Variants in EBF1 observed in about 807,000 individuals in gnomAD.
The protein encoded by EBF1 is EBF transcription factor 1.
In EBF1, 10 loss-of-function variants were observed where a neutral mutation model predicts 68.4. The observed-to-expected ratio is 0.15, with a 90% CI of 0.09 to 0.25. The LOEUF is 0.25. Ranked by LOEUF, EBF1 falls within the 10% of genes least tolerant of loss-of-function variation. EBF1 has a pLI of 1.00. For synonymous variants in EBF1, 298 were observed against 299.8 expected, an observed-to-expected ratio of 0.99 and a Z score of 0.06; for missense variants, 509 against 794.4, an observed-to-expected ratio of 0.64 and a Z score of 4.32.
rs566251384 is a variant in EBF1 at position 158,737,556 on chromosome 5, T to C, written c.1037-6399A>G. On this transcript the variant is annotated intron_variant, in intron 10 of 15. Transcript: ENST00000313708. Reference sequence around the variant, plus strand: ...GCTTCGGCCTCCCAAAGTGCTGGGATTACAACCGTGAGCCACCGCGTCCGA... The same window carrying C: ...GCTTCGGCCTCCCAAAGTGCTGGGACTACAACCGTGAGCCACCGCGTCCGA... Among the ~76,000 whole-genome samples the C allele has an allele frequency of 3.3e-5, 5 of 152,196 alleles. No homozygotes were observed. The East Asian group carries it at 9.7e-4, about 29-fold the overall frequency.
intron 10 of EBF1, among the ~76,000 whole-genome samples, chr5:158,736,981 G>A (rs1461051463): frequency 2.6e-5 from 4 of 152,078 alleles, no homozygotes; most frequent in Non-Finnish European, 5.9e-5. Flanking sequence ...ATGCACAAAC[G>A]GCACACCAGG....
intron 1 of EBF1, 130 bp downstream of exon 1, chr5:159,099,215 G>T: frequency 1.6e-6 from 1 of 638,520 alleles, no homozygotes; most frequent in Non-Finnish European, 2.2e-6. Context: ...GCGGAGAGCG[G>T]AGCGCAGCGG....
intron 9 of EBF1, among the ~76,000 whole-genome samples, chr5:158,790,591 T>C (rs1276046554): frequency 1.3e-5 from 2 of 152,180 alleles, no homozygotes; most frequent in African/African-American, 4.8e-5. Flanking sequence ...ACCTCAAACG[T>C]TGTGCAAAGC....
At chr5:158,842,812 A>G (rs1790597684) in intron 6 of EBF1, among the ~76,000 whole-genome samples, 1 of 152,174 alleles carries the variant, frequency 6.6e-6, no homozygotes, top group Non-Finnish European at 1.5e-5. Flanking sequence ...TATTAATCCC[A>G]TTTTATAGAT....
chr5:158,849,296 T>C lies in EBF1; in HGVS notation c.555-9186A>G, dbSNP rs113019131. 7.7e-3 allele frequency among the ~76,000 whole-genome samples: 1,170 copies of C among 152,270 alleles called. 17 individuals carry two copies. Among genetic ancestry groups the C allele is most frequent in the African/African-American group, 0.027 (1,112 of 41,542 alleles). ...CTCTCCTACTCTTCACTTTTCAGCA[T>C]TCTTTGCTAAGTCACACCAAGCTAC... is the stretch of plus-strand genomic sequence containing the variant. On this transcript the variant is annotated intron_variant, in intron 6 of 15. Transcript: ENST00000313708.
At chr5:158,938,067 A>T (rs1812460489) in intron 6 of EBF1, among the ~76,000 whole-genome samples, 1 of 152,172 alleles carries the variant, frequency 6.6e-6, no homozygotes. Context: ...ACTCCGGCTC[A>T]AGTGCCTTGG....
chr5:158,778,203 A>G (rs1775700960), intron 9 of EBF1, among the ~76,000 whole-genome samples: 1 of 152,292 alleles, frequency 6.6e-6, no homozygotes, highest in South Asian at 2.1e-4. Context: ...ACAATGAGAA[A>G]GTTCATTTCT....
At chr5:158,994,245 A>T (rs1760961407) in intron 6 of EBF1, among the ~76,000 whole-genome samples, 1 of 152,244 alleles carries the variant, frequency 6.6e-6, no homozygotes, top group East Asian at 1.9e-4. Flanking sequence ...GGAAACTCCA[A>T]CAATATGAAT....
At chr5:158,888,896 A>AT (rs1800585799) in intron 6 of EBF1, among the ~76,000 whole-genome samples, 1 of 152,020 alleles carries the variant, frequency 6.6e-6, no homozygotes, top group Admixed American at 6.6e-5. Flanking sequence ...CTTCCCTGTC[A>AT]TAGATGTGTC....
At chr5:158,725,414 GAAC>G (rs1318300798) in intron 11 of EBF1, among the ~76,000 whole-genome samples, 4 of 152,300 alleles carry the variant, frequency 2.6e-5, no homozygotes, top group South Asian at 2.1e-4. Context: ...CTGCTGGAAT[GAAC>G]AACAACTTTT....
chr5:158,960,962 T>C (rs1818069281), intron 6 of EBF1, among the ~76,000 whole-genome samples: 2 of 151,952 alleles, frequency 1.3e-5, no homozygotes, highest in African/African-American at 4.8e-5. Flanking sequence ...TGTGAGACAA[T>C]AAATGTTTAT....
rs1439228690 is a variant in EBF1, at chr5:158,708,126, T to G, written c.1597A>C (p.Asn533His). ...AAGATGCCCGAGGAGCTGCTGCAGTTGGAGGGGAGGCTTGTGGAGGAGGCC... is the reference window on the plus strand; with the variant it reads ...AAGATGCCCGAGGAGCTGCTGCAGTGGGAGGGGAGGCTTGTGGAGGAGGCC... ...TMASSTSLPSNCSSSSGIFSF... is the reference protein window; with the variant it reads ...TMASSTSLPSHCSSSSGIFSF... The change falls in exon 15 of 16, where the codon AAC becomes CAC. Residue 533 changes from asparagine (N) to histidine (H), a missense_variant. Around this residue, in one of 3 missense-constraint regions of EBF1, gnomAD observed 205 missense variants for 247.4 expected, o/e 0.83. Coordinates refer to ENST00000313708, the MANE Select transcript of EBF1 (RefSeq NM_024007.5). 2.5e-6 allele frequency: 4 copies of G among 1,590,306 alleles called. No individual in the cohort carries two copies. The Admixed American group carries it at 7.0e-5, about 28-fold the overall frequency.
intron 6 of EBF1, among the ~76,000 whole-genome samples, chr5:158,953,449 G>A (rs80197555): frequency 0.023 from 3,559 of 152,220 alleles, 141 homozygotes; most frequent in African/African-American, 0.082. Flanking sequence ...TGTCCAGTCC[G>A]GAGAGTTTGG....
intron 6 of EBF1, among the ~76,000 whole-genome samples, chr5:158,871,191 C>G (rs1284284411): frequency 6.6e-6 from 1 of 152,192 alleles, no homozygotes; most frequent in Non-Finnish European, 1.5e-5. Context: ...CCCTTCAAGC[C>G]TTAGGGTCTA....
At chr5:158,821,803 T>C (rs912278517) in intron 8 of EBF1, among the ~76,000 whole-genome samples, 2 of 152,136 alleles carry the variant, frequency 1.3e-5, no homozygotes, top group African/African-American at 4.8e-5. Context: ...TCCTGCAAAA[T>C]GTAATATCCA....
At chr5:158,860,699 C>T (rs1794814898) in intron 6 of EBF1, among the ~76,000 whole-genome samples, 1 of 152,228 alleles carries the variant, frequency 6.6e-6, no homozygotes, top group South Asian at 2.1e-4. Flanking sequence ...TTTGGTAAGA[C>T]AAACAAGTGA....
chr5:158,714,299 C>G, intron 11 of EBF1, 117 bp from the exon 12 acceptor site: 2 of 1,175,616 alleles, frequency 1.7e-6, no homozygotes, highest in Non-Finnish European at 2.5e-6. Context: ...CTATAAAGGC[C>G]GTAGCTTGGG....
intron 9 of EBF1, among the ~76,000 whole-genome samples, chr5:158,784,725 C>A (rs1228263593): frequency 1.3e-5 from 2 of 152,040 alleles, no homozygotes; most frequent in Non-Finnish European, 2.9e-5. Flanking sequence ...CAAGCAAAGA[C>A]TCAAAGAGAA....
chr5:158,781,641 C>T (rs1435570728), intron 9 of EBF1, among the ~76,000 whole-genome samples: 2 of 152,146 alleles, frequency 1.3e-5, no homozygotes, highest in Non-Finnish European at 2.9e-5. Flanking sequence ...CTTTGAATTA[C>T]CCAAAACAGA....
Sources: allele counts gnomAD v4.1 joint callset (sites outside exome capture counted in the v4.1 genomes callset), GRCh38; gene constraint gnomAD v4.1.1; regional missense constraint gnomAD v4.1.1; transcripts MANE v1.5; gene names NCBI Gene and HGNC (gene_info 2026-07-23, HGNC 2026-07-21).